The following PRPS1 variants were observed in gnomAD, a reference collection of about 807,000 sequenced individuals.
PRPS1 encodes the protein phosphoribosyl pyrophosphate synthetase 1, also known as ribose-phosphate pyrophosphokinase 1.
A neutral mutation model predicts 16.9 loss-of-function variants in PRPS1; 1 was observed. That is an observed-to-expected ratio of 0.06 (90% confidence interval 0.02 to 0.28). The LOEUF is 0.28. PRPS1 is among the 10% of genes least tolerant of loss of function. The probability of loss-of-function intolerance (pLI) is 1.00; values close to 1 mark genes in which losing one functional copy is unlikely to be tolerated. For missense variants in PRPS1, 47 were observed against 254.0 expected (o/e 0.19, Z 5.54); for synonymous variants, 70 against 90.2 (o/e 0.78, Z 1.27).
At chrX:107,642,003 CCTT>C (rs1342957969) in intron 3 of PRPS1, among the ~76,000 whole-genome samples, 2 of 112,561 alleles carry the variant, frequency 1.8e-5, no homozygotes, top group African/African-American at 6.5e-5. Context: ...AGCTTTTACT[CCTT>C]AACAAATCAG....
chrX:107,637,395 G>T (rs1925465331), intron 1 of PRPS1, among the ~76,000 whole-genome samples: 1 of 111,508 alleles, frequency 9.0e-6, no homozygotes, highest in Non-Finnish European at 1.9e-5. Flanking sequence ...TGCCAGTATG[G>T]TAGAGGTGGT....
At chrX:107,646,276 A>T (rs988501658) in intron 5 of PRPS1, among the ~76,000 whole-genome samples, 1 of 108,343 alleles carries the variant, frequency 9.2e-6, no homozygotes. Context: ...GTAATTATTT[A>T]TTATTATTAT....
chrX:107,649,909 AG>A, intron 6 of PRPS1, 30 bp from the exon 7 acceptor site: 1 of 1,211,791 alleles, frequency 8.3e-7, no homozygotes. Flanking sequence ...ACCATATGAT[AG>A]TAACCTGATT....
intron 6 of PRPS1, among the ~76,000 whole-genome samples, chrX:107,649,631 A>G (rs1385862816): frequency 9.2e-6 from 1 of 108,455 alleles, no homozygotes; most frequent in Non-Finnish European, 1.9e-5. Flanking sequence ...TAATTTTTGT[A>G]TTTTTAGTAG....
chrX:107,638,017 G>A (rs1207210374), intron 1 of PRPS1, among the ~76,000 whole-genome samples: 1 of 109,127 alleles, frequency 9.2e-6, no homozygotes, highest in Non-Finnish European at 1.9e-5. Context: ...TCTGCTCACT[G>A]TAATCTCTGC....
chrX:107,631,197 C>CT (rs1406525065), intron 1 of PRPS1, among the ~76,000 whole-genome samples: 2 of 111,527 alleles, frequency 1.8e-5, no homozygotes, highest in African/African-American at 3.3e-5. Flanking sequence ...ATATGATTTT[C>CT]TTTTTTTATT....
At chrX:107,636,914 A>G (rs1026909243) in intron 1 of PRPS1, among the ~76,000 whole-genome samples, 16 of 112,112 alleles carry the variant, frequency 1.4e-4, no homozygotes, top group South Asian at 3.7e-4. Context: ...TAGTGCTTAG[A>G]GTGAGATAGA....
At chrX:107,647,472 A>G in intron 5 of PRPS1, 134 bp from the exon 6 acceptor site, 1 of 737,005 alleles carries the variant, frequency 1.4e-6, no homozygotes. Flanking sequence ...GTGCCTTATA[A>G]TATTTTTTAT....
At chrX:107,632,511 G>C (rs746769872) in intron 1 of PRPS1, among the ~76,000 whole-genome samples, 1 of 112,345 alleles carries the variant, frequency 8.9e-6, no homozygotes, top group African/African-American at 3.2e-5. Flanking sequence ...GACCTTAAAG[G>C]AAAGGGAAAA....
chrX:107,639,902 C>CTA (rs1213763918), intron 2 of PRPS1, among the ~76,000 whole-genome samples: 1 of 112,085 alleles, frequency 8.9e-6, no homozygotes, highest in East Asian at 2.8e-4. Flanking sequence ...GATAGATAAA[C>CTA]TATATATATC....
chrX:107,646,864 A>G (rs1195142007), intron 5 of PRPS1, among the ~76,000 whole-genome samples: 1 of 112,578 alleles, frequency 8.9e-6, no homozygotes, highest in Non-Finnish European at 1.9e-5. Context: ...ACATTTTAAT[A>G]GCCAGAATTA....
At chrX:107,642,521 T>C in intron 4 of PRPS1, 31 bp downstream of exon 4, 1 of 1,208,973 alleles carries the variant, frequency 8.3e-7, no homozygotes, top group Non-Finnish European at 1.1e-6. Context: ...GTTCCCAATG[T>C]ACTGGGAAAA....
intron 1 of PRPS1, among the ~76,000 whole-genome samples, chrX:107,629,118 G>A (rs745615704): frequency 3.6e-5 from 4 of 111,365 alleles, no homozygotes; most frequent in Non-Finnish European, 5.7e-5. Flanking sequence ...GGCTGGACTG[G>A]GTTGCTTCAG....
chrX:107,643,918 C>T (rs1348825171), intron 4 of PRPS1, among the ~76,000 whole-genome samples: 5 of 111,457 alleles, frequency 4.5e-5, no homozygotes, highest in African/African-American at 1.6e-4. Context: ...CTCACTTATC[C>T]AGCAAAAACT....
intron 1 of PRPS1, among the ~76,000 whole-genome samples, chrX:107,638,368 T>A (rs984462041): frequency 9.1e-6 from 1 of 110,453 alleles, no homozygotes; most frequent in African/African-American, 3.3e-5. Context: ...CTTGGCCTCC[T>A]AAAGTGCTGG....
chrX:107,637,038 A>G (rs936603761), intron 1 of PRPS1, among the ~76,000 whole-genome samples: 2 of 111,615 alleles, frequency 1.8e-5, no homozygotes, highest in Non-Finnish European at 3.8e-5. Context: ...ACACACATAC[A>G]CCTCTCCTTC....
chrX:107,647,889 T>C, intron 6 of PRPS1, 124 bp downstream of exon 6: 2 of 802,588 alleles, frequency 2.5e-6, no homozygotes, highest in South Asian at 4.9e-5. Flanking sequence ...AGTCTTGTCA[T>C]CAGAATTTGT....
At chrX:107,649,539 C>T (rs1368532503) in intron 6 of PRPS1, among the ~76,000 whole-genome samples, 1 of 112,622 alleles carries the variant, frequency 8.9e-6, no homozygotes, top group African/African-American at 3.2e-5. Flanking sequence ...ACCGCAACCT[C>T]CACCTCCCAG....
intron 6 of PRPS1, among the ~76,000 whole-genome samples, chrX:107,647,992 A>C (rs1925742756): frequency 9.0e-6 from 1 of 111,438 alleles, no homozygotes; most frequent in Non-Finnish European, 1.9e-5. Flanking sequence ...TAAAAGTTTA[A>C]ATTGCTACAC....
Sources: allele counts gnomAD v4.1 joint callset (sites outside exome capture counted in the v4.1 genomes callset), GRCh38; gene constraint gnomAD v4.1.1; transcripts MANE v1.5; gene names NCBI Gene and HGNC (gene_info 2026-07-23, HGNC 2026-07-21).